Variants in LAMA2 observed in about 807,000 individuals in gnomAD.
LAMA2 encodes laminin subunit alpha 2, also known as laminin subunit alpha-2.
In LAMA2, 269 loss-of-function variants were observed where a neutral mutation model predicts 364.8. That is an observed-to-expected ratio of 0.74 (90% CI 0.67 to 0.82). The LOEUF is 0.82. LAMA2 is among the 40% of genes least tolerant of loss of function. The pLI is 0.00. For missense variants in LAMA2, 3,807 were observed against 3,873.2 expected (o/e 0.98, Z 0.45); for synonymous variants, 1,379 against 1,370.6 (o/e 1.01, Z -0.14).
At chr6:129,339,891 T>C (rs1776162366) in intron 29 of LAMA2, among the ~76,000 whole-genome samples, 1 of 151,720 alleles carries the variant, frequency 6.6e-6, no homozygotes, top group Non-Finnish European at 1.5e-5. Flanking sequence ...TAATCTCAGC[T>C]ACTCAGGAGG....
chr6:129,391,792 C>CATCTATCATCT (rs1779338236), intron 36 of LAMA2, 139 bp downstream of exon 36: 1 of 681,616 alleles, frequency 1.5e-6, no homozygotes, highest in Admixed American at 2.5e-5. Context: ...TGTTATCTAT[C>CATCTATCATCT]ATCTATCTAT....
At chr6:129,030,624 A>T (rs1193147695) in intron 1 of LAMA2, among the ~76,000 whole-genome samples, 1 of 152,186 alleles carries the variant, frequency 6.6e-6, no homozygotes, top group Admixed American at 6.5e-5. Context: ...ATGGTCAATG[A>T]ACTGCATTAC....
rs955036108 is a variant in LAMA2, at chr6:129,014,766, T to C, written c.113-35152T>C. ...TGTATTCAAACCTCAGCTCCCCCAA[T>C]AATTAGATATTTGAACATGGTGGAA... is the stretch of plus-strand genomic sequence containing the variant. On this transcript the variant is annotated intron_variant, in intron 1 of 64. Coordinates refer to ENST00000421865, the MANE Select transcript of LAMA2 (RefSeq NM_000426.4). 4.6e-5 allele frequency among the ~76,000 whole-genome samples: 7 copies of C among 152,242 alleles called. No homozygotes were observed. The South Asian group carries it at 1.5e-3, about 32-fold the overall frequency.
At chr6:128,930,914 C>T (rs909966294) in intron 1 of LAMA2, among the ~76,000 whole-genome samples, 7 of 152,152 alleles carry the variant, frequency 4.6e-5, no homozygotes, top group African/African-American at 1.2e-4. Context: ...CTTTCTAACA[C>T]GTTCGCTTTT....
At chr6:128,972,967 G>T (rs951900774) in intron 1 of LAMA2, among the ~76,000 whole-genome samples, 1 of 151,944 alleles carries the variant, frequency 6.6e-6, no homozygotes, top group African/African-American at 2.4e-5. Flanking sequence ...TTTTATTCTT[G>T]AGATATACAA....
chr6:129,172,434 G>C (rs542142689), intron 9 of LAMA2, among the ~76,000 whole-genome samples: 1 of 152,288 alleles, frequency 6.6e-6, no homozygotes, highest in East Asian at 1.9e-4. Flanking sequence ...ATACCCTGCC[G>C]TGTGAGGTGT....
chr6:129,246,814 A>G (rs1785783408), intron 12 of LAMA2, among the ~76,000 whole-genome samples: 1 of 152,150 alleles, frequency 6.6e-6, no homozygotes, highest in South Asian at 2.1e-4. Flanking sequence ...AACATGGAGG[A>G]GTGGACAGAT....
At position 129,492,449 on chromosome 6, in the gene LAMA2, C is replaced by A. The variant is rs753475289; in HGVS notation, c.8210C>A (p.Pro2737Gln). 8 of 1,614,108 alleles carry A rather than the reference C, an allele frequency of 5.0e-6. No individual in the cohort carries two copies. The highest frequency in any genetic ancestry group is 6.8e-6 in the Non-Finnish European group (8 of 1,179,990). ...IVIQPEPVPTPAFPTPTPVLT... is the reference protein window; with the variant it reads ...IVIQPEPVPTQAFPTPTPVLT... ...ATCCAGCCTGAGCCAGTTCCCACCCCAGCCTTTCCTACGCCCACCCCAGTT... is the reference window on the plus strand; with the variant it reads ...ATCCAGCCTGAGCCAGTTCCCACCCAAGCCTTTCCTACGCCCACCCCAGTT... Residue 2737 changes from proline (P) to glutamine (Q), a missense_variant, in exon 58 of 65, where the codon CCA becomes CAA. Coordinates refer to ENST00000421865, the MANE Select transcript of LAMA2 (RefSeq NM_000426.4).
In LAMA2 at chr6:129,515,422, G is replaced by C. The variant is rs200207256; in HGVS notation, c.9212-768G>C. 2.6e-5 allele frequency among the ~76,000 whole-genome samples: 4 copies of C among 152,130 alleles called. 1 individual carries two copies. In the East Asian group the frequency reaches 7.7e-4, roughly 29 times the overall value. ...TAAAAAGATCTTTTGCTTCAATCAG[G>C]ATAAATTCCAAGATATTATGAAGGA... On this transcript the variant is annotated intron_variant, in intron 64 of 64. Transcript: ENST00000421865.
intron 20 of LAMA2, 70 bp from the exon 21 acceptor site, chr6:129,297,615 T>C: frequency 7.2e-7 from 1 of 1,395,864 alleles, no homozygotes; most frequent in Non-Finnish European, 1.0e-6. Flanking sequence ...TGATCTTTGG[T>C]ATTGTGCATC....
intron 3 of LAMA2, among the ~76,000 whole-genome samples, chr6:129,069,590 A>G (rs1424754377): frequency 6.7e-6 from 1 of 149,188 alleles, no homozygotes; most frequent in East Asian, 1.9e-4. Flanking sequence ...AATAGAAGTT[A>G]GAATACTGGT....
chr6:129,419,112 A>G (rs1044416797), intron 40 of LAMA2, among the ~76,000 whole-genome samples: 9 of 151,590 alleles, frequency 5.9e-5, no homozygotes, highest in South Asian at 2.1e-4. Context: ...TTAAAAGTCT[A>G]TTGGAAGCAG....
chr6:129,340,975 A>T (rs1776237896), intron 29 of LAMA2, among the ~76,000 whole-genome samples: 1 of 152,198 alleles, frequency 6.6e-6, no homozygotes, highest in African/African-American at 2.4e-5. Flanking sequence ...AACACCAAAA[A>T]TGTAAAAAAT....
Position 129,391,564 on chromosome 6 carries a change from A to G in LAMA2, c.5145A>G (p.Glu1715=). Residue 1715 remains glutamate (E), a synonymous_variant, in exon 36 of 65, where the codon GAA becomes GAG. Coordinates refer to ENST00000421865, the MANE Select transcript of LAMA2 (RefSeq NM_000426.4). The part of the protein sequence containing the change: ...TRDEAFERNL[E]GLQKEIDQMI... ...ACGAGGCCTTTGAGAGAAATTTGGA[A>G]GGGCTTCAGAAAGAGATTGACCAGA... The G allele has an allele frequency of 6.2e-7, 1 of 1,613,820 alleles. No individual in the cohort carries two copies.
intron 62 of LAMA2, among the ~76,000 whole-genome samples, chr6:129,511,448 T>C (rs964561484): frequency 2.0e-5 from 3 of 152,130 alleles, no homozygotes; most frequent in Admixed American, 2.0e-4. Context: ...CTGGCTAGCT[T>C]TTATTCATAA....
At chr6:129,222,325 T>C (rs1783912256) in intron 12 of LAMA2, among the ~76,000 whole-genome samples, 1 of 152,014 alleles carries the variant, frequency 6.6e-6, no homozygotes, top group African/African-American at 2.4e-5. Flanking sequence ...GTTGAAATTC[T>C]TAGAATAATG....
intron 1 of LAMA2, among the ~76,000 whole-genome samples, chr6:128,958,271 GTTA>G (rs1397481953): frequency 2.6e-5 from 4 of 152,036 alleles, no homozygotes; most frequent in African/African-American, 9.7e-5. Context: ...TCCAAACAGT[GTTA>G]TTGTAAAGTC....
At chr6:128,929,372 A>G (rs1039405314) in intron 1 of LAMA2, 1 of 1,020,526 alleles carries the variant, frequency 9.8e-7, no homozygotes, top group African/African-American at 1.6e-5. Context: ...GAATACAAAG[A>G]AGTTCATCAG....
intron 1 of LAMA2, among the ~76,000 whole-genome samples, chr6:128,974,540 A>G (rs1368507834): frequency 6.6e-6 from 1 of 152,194 alleles, no homozygotes; most frequent in African/African-American, 2.4e-5. Context: ...AAATGTATTC[A>G]ATTATATTAT....
Sources: gnomAD v4.1 joint callset for allele counts (sites outside exome capture counted in the v4.1 genomes callset) on GRCh38, gnomAD v4.1.1 for gene constraint, MANE v1.5 for transcripts, NCBI Gene and HGNC (gene_info 2026-07-23, HGNC 2026-07-21) for gene names.